Variants in PTGER4 observed in about 807,000 individuals in gnomAD.
PTGER4 encodes the protein prostaglandin E receptor 4.
PTGER4 carries 11 observed loss-of-function variants against 33.2 expected under a neutral mutation model. That is an observed-to-expected ratio of 0.33 (90% CI 0.21 to 0.55). The LOEUF (loss-of-function observed/expected upper bound fraction) is 0.55, where lower values mean the gene tolerates loss of function less well. Ranked by LOEUF, PTGER4 falls within the 20% of genes least tolerant of loss-of-function variation. The pLI is 0.92. For missense variants in PTGER4, 481 were observed against 650.2 expected (o/e 0.74, Z 2.83); for synonymous variants, 275 against 281.5 (o/e 0.98, Z 0.23).
At chr5:40,699,377 C>T in the PTGER4 span, among the ~76,000 whole-genome samples, 18 of 151,940 alleles carry the variant, frequency 1.2e-4, no homozygotes, top group African/African-American at 3.6e-4. Flanking sequence ...AAAACTACCC[C>T]GCAAAAAAAC....
chr5:40,705,104 A>G, the PTGER4 span, among the ~76,000 whole-genome samples: 1 of 152,216 alleles, frequency 6.6e-6, no homozygotes, highest in Admixed American at 6.5e-5. Context: ...CCAAAACAAC[A>G]TGGTGCTGGT....
At chr5:40,708,267 G>A in the PTGER4 span, among the ~76,000 whole-genome samples, 101,934 of 151,874 alleles carry the variant, frequency 0.67, 34,342 homozygotes, top group East Asian at 0.8. Context: ...AAGATCAACA[G>A]AATGGATAGA....
chr5:40,744,220 T>C, the PTGER4 span, among the ~76,000 whole-genome samples: 11 of 152,216 alleles, frequency 7.2e-5, no homozygotes, highest in Non-Finnish European at 1.6e-4. Flanking sequence ...TCTTTATGCC[T>C]AAAATACCAC....
the PTGER4 span, among the ~76,000 whole-genome samples, chr5:40,733,009 C>T: frequency 1.3e-5 from 2 of 152,064 alleles, no homozygotes; most frequent in Admixed American, 1.3e-4. Flanking sequence ...ACAGATGTAG[C>T]ATGCTCTTAA....
At chr5:40,697,280 A>G (rs1741633021), downstream of PTGER4, among the ~76,000 whole-genome samples, 1 of 131,658 alleles carries the variant, frequency 7.6e-6, no homozygotes, top group Admixed American at 8.8e-5. Flanking sequence ...GAAAGAAAGA[A>G]AGAAAGAAAG....
At chr5:40,703,834 C>T in the PTGER4 span, among the ~76,000 whole-genome samples, 16 of 132,416 alleles carry the variant, frequency 1.2e-4, no homozygotes, top group African/African-American at 3.6e-4. Flanking sequence ...ACCCGGGAAG[C>T]GGAGGTTGCA....
downstream of PTGER4, among the ~76,000 whole-genome samples, chr5:40,695,218 T>A (rs531980047): frequency 6.6e-5 from 10 of 152,236 alleles, no homozygotes; most frequent in South Asian, 2.1e-3. Flanking sequence ...GAGACCAGGA[T>A]GGCCAACATG....
chr5:40,707,694 A>G, the PTGER4 span, among the ~76,000 whole-genome samples: 3 of 152,198 alleles, frequency 2.0e-5, no homozygotes, highest in African/African-American at 7.2e-5. Flanking sequence ...ACAGACCTCT[A>G]CAGAACTCTC....
the PTGER4 span, among the ~76,000 whole-genome samples, chr5:40,711,503 G>A: frequency 7.2e-5 from 11 of 151,976 alleles, no homozygotes; most frequent in Non-Finnish European, 1.3e-4. Context: ...TGCATAAACT[G>A]GTCATAAGAC....
the PTGER4 span, among the ~76,000 whole-genome samples, chr5:40,708,574 T>C: frequency 1.3e-5 from 2 of 152,220 alleles, no homozygotes; most frequent in Admixed American, 6.5e-5. Context: ...CAGGACCAGA[T>C]GGATTCACAG....
the PTGER4 span, among the ~76,000 whole-genome samples, chr5:40,742,720 G>A: frequency 6.6e-6 from 1 of 152,220 alleles, no homozygotes; most frequent in Non-Finnish European, 1.5e-5. Flanking sequence ...CCAGAATAGA[G>A]CAATTATTAT....
Position 40,692,191 on chromosome 5 carries a change from A to T in PTGER4, c.1280A>T (p.Asp427Val). ...CCTGGCATGGGCCTGGCCCAGGAAG[A>T]CACCACCTCACTGAGGACTTTGCGA... ...GVPGMGLAQEDTTSLRTLRIS... is the reference protein window; with the variant it reads ...GVPGMGLAQEVTTSLRTLRIS... Residue 427 changes from aspartate to valine, a missense_variant, in exon 3 of 3, where the codon GAC (aspartate) becomes GTC (valine). Asp to Val is a radical substitution (Grantham distance 152, BLOSUM62 -3). Transcript: ENST00000302472. 6.2e-7 allele frequency: 1 copy of T among 1,614,212 alleles called. No homozygotes were observed. The highest frequency in any genetic ancestry group is 8.5e-7 in the Non-Finnish European group (1 of 1,180,026).
rs1240666244 is a variant in PTGER4, at chr5:40,681,441, T to G, written c.448T>G (p.Phe150Val). 1 of 1,613,844 alleles carries G rather than the reference T, an allele frequency of 6.2e-7. No homozygotes were observed. The highest frequency in any genetic ancestry group is 1.7e-5 in the Admixed American group (1 of 60,030). The change falls in exon 2 of 3, where the codon TTT (phenylalanine) becomes GTT (valine). Residue 150 changes from phenylalanine to valine, a missense_variant. Coordinates refer to ENST00000302472, the MANE Select transcript of PTGER4 (RefSeq NM_000958.3). The surrounding 1 kb of genome is among the most constrained non-coding windows in gnomAD (Gnocchi z 9.8). ...TGCAGTCTATGCGTCCAACGTGCTC[T>G]TTTGCGCGCTGCCCAACATGGGTCT... ...LFAVYASNVL[F>V]CALPNMGLGS... is the part of the protein sequence containing the mutation.
chr5:40,684,562 A>G (rs185956269), intron 2 of PTGER4, among the ~76,000 whole-genome samples: 23 of 152,330 alleles, frequency 1.5e-4, no homozygotes, highest in Admixed American at 1.2e-3. Context: ...AGTTTAGTAT[A>G]AAAAATAAAT....
At chr5:40,745,497 T>C in the PTGER4 span, among the ~76,000 whole-genome samples, 3 of 151,932 alleles carry the variant, frequency 2.0e-5, no homozygotes, top group African/African-American at 7.3e-5. Context: ...TTGTTGAGTC[T>C]AGATAGAGGA....
At chr5:40,730,410 T>G in the PTGER4 span, 1 of 1,270,756 alleles carries the variant, frequency 7.9e-7, no homozygotes, top group East Asian at 2.3e-5. Context: ...CAAAAAAAAA[T>G]TTTTATTGTA....
At chr5:40,695,424 T>A (rs1340604520), downstream of PTGER4, among the ~76,000 whole-genome samples, 3 of 98,034 alleles carry the variant, frequency 3.1e-5, no homozygotes, top group Non-Finnish European at 6.5e-5. Flanking sequence ...GTGCCTGTAG[T>A]CCAGCTACTT....
At chr5:40,702,464 A>C in the PTGER4 span, among the ~76,000 whole-genome samples, 1 of 152,352 alleles carries the variant, frequency 6.6e-6, no homozygotes, top group Admixed American at 6.5e-5. Flanking sequence ...AGAAGACCTA[A>C]CTGTCCTAAA....
chr5:40,694,317 C>T (rs112819048), downstream of PTGER4, among the ~76,000 whole-genome samples: 11 of 152,344 alleles, frequency 7.2e-5, no homozygotes, highest in African/African-American at 2.6e-4. Flanking sequence ...TCCCAAAATG[C>T]TAGGATTGCA....
Sources: allele counts gnomAD v4.1 joint callset (sites outside exome capture counted in the v4.1 genomes callset), GRCh38; gene constraint gnomAD v4.1.1; non-coding constraint Gnocchi (gnomAD v3.1); transcripts MANE v1.5; gene names NCBI Gene and HGNC (gene_info 2026-07-23, HGNC 2026-07-21).